GPC5: variants seen among roughly 807,000 people sequenced by gnomAD.
The protein encoded by GPC5 is glypican-5.
Under a neutral mutation model 53.9 loss-of-function variants are expected in GPC5, and 47 were observed. The observed-to-expected ratio is 0.87, with a 90% CI of 0.69 to 1.11. The LOEUF (loss-of-function observed/expected upper bound fraction) is 1.11, where lower values mean the gene tolerates loss of function less well. Among genes scored for constraint, GPC5 ranks in the 50% most tolerant of loss-of-function variants. The pLI is 0.00. For missense variants in GPC5, 748 were observed against 713.1 expected (o/e 1.05, Z -0.56); for synonymous variants, 286 against 263.3 (o/e 1.09, Z -0.84).
intron 7 of GPC5, among the ~76,000 whole-genome samples, chr13:92,854,854 T>C (rs1211865699): frequency 6.6e-6 from 1 of 152,012 alleles, no homozygotes; most frequent in Non-Finnish European, 1.5e-5. Flanking sequence ...TTCACTCTAT[T>C]ATTTGTTTTG....
At chr13:92,832,956 C>T (rs530856522) in intron 7 of GPC5, among the ~76,000 whole-genome samples, 1 of 152,016 alleles carries the variant, frequency 6.6e-6, no homozygotes, top group Non-Finnish European at 1.5e-5. Context: ...TGCAGTGAGC[C>T]GAGACTGCCA....
Position 91,956,077 on chromosome 13 carries a change from T to G in GPC5, c.1401+48020T>G, listed in dbSNP as rs118018529. Among the ~76,000 whole-genome samples the G allele has an allele frequency of 9.5e-3, 1,448 of 151,918 alleles. 46 individuals carry two copies. The highest frequency in any genetic ancestry group is 0.069 in the East Asian group (351 of 5,104). On this transcript the variant is annotated intron_variant, in intron 6 of 7. Coordinates refer to ENST00000377067, the MANE Select transcript of GPC5 (RefSeq NM_004466.6). ...CAACCAGAACATTTCACCAGGGGCTTGAGAATCACCTCCCCAGTGCCTACC... is the reference window on the plus strand; with the variant it reads ...CAACCAGAACATTTCACCAGGGGCTGGAGAATCACCTCCCCAGTGCCTACC...
chr13:91,548,194 G>C (rs2030409219), intron 2 of GPC5, among the ~76,000 whole-genome samples: 1 of 152,098 alleles, frequency 6.6e-6, no homozygotes, highest in South Asian at 2.1e-4. Flanking sequence ...CAAGTGATAT[G>C]ATCATCTATG....
At chr13:91,963,346 T>C (rs1310583904) in intron 6 of GPC5, among the ~76,000 whole-genome samples, 2 of 152,200 alleles carry the variant, frequency 1.3e-5, no homozygotes, top group African/African-American at 4.8e-5. Flanking sequence ...CTTCTGTGTA[T>C]ACGTATTTCC....
intron 1 of GPC5, among the ~76,000 whole-genome samples, chr13:91,425,829 G>A (rs1331617149): frequency 6.6e-6 from 1 of 152,178 alleles, no homozygotes; most frequent in Admixed American, 6.5e-5. Flanking sequence ...AAGAAGACAG[G>A]AAGATGTGGG....
intron 5 of GPC5, among the ~76,000 whole-genome samples, chr13:91,768,733 TATC>T (rs1488486490): frequency 6.6e-6 from 1 of 152,178 alleles, no homozygotes; most frequent in Non-Finnish European, 1.5e-5. Flanking sequence ...CAAATAAAAA[TATC>T]ATGTTTATAA....
intron 7 of GPC5, among the ~76,000 whole-genome samples, chr13:92,847,627 C>CTT (rs75149719): frequency 6.9e-6 from 1 of 145,094 alleles, no homozygotes; most frequent in African/African-American, 2.5e-5. Context: ...GCCATTAAAC[C>CTT]TTTTTTTTTT....
intron 1 of GPC5, among the ~76,000 whole-genome samples, chr13:91,437,957 G>C (rs758814453): frequency 6.6e-6 from 1 of 151,762 alleles, no homozygotes; most frequent in Non-Finnish European, 1.5e-5. Context: ...TGATCACATC[G>C]GCTACTGAGG....
At chr13:91,898,486 G>A (rs919687090) in intron 5 of GPC5, among the ~76,000 whole-genome samples, 1 of 151,974 alleles carries the variant, frequency 6.6e-6, no homozygotes, top group Non-Finnish European at 1.5e-5. Context: ...CTGTCATTTT[G>A]CCCTTGTTTT....
At chr13:92,006,258 A>G (rs1217524114) in intron 6 of GPC5, among the ~76,000 whole-genome samples, 1 of 152,176 alleles carries the variant, frequency 6.6e-6, no homozygotes, top group Non-Finnish European at 1.5e-5. Flanking sequence ...AAAATGTACC[A>G]AAATAATTTA....
At chr13:92,108,004 C>T (rs2041523535) in intron 6 of GPC5, among the ~76,000 whole-genome samples, 2 of 152,134 alleles carry the variant, frequency 1.3e-5, no homozygotes, top group South Asian at 4.1e-4. Flanking sequence ...ATATAATCTT[C>T]CCTCCAATTT....
chr13:91,686,037 T>C (rs546126327), intron 2 of GPC5, among the ~76,000 whole-genome samples: 3 of 152,008 alleles, frequency 2.0e-5, no homozygotes, highest in Non-Finnish European at 4.4e-5. Flanking sequence ...CTCTTCCGTA[T>C]AGCTCCTTTG....
At chr13:92,185,936 A>T (rs1260145049) in intron 7 of GPC5, among the ~76,000 whole-genome samples, 1 of 152,184 alleles carries the variant, frequency 6.6e-6, no homozygotes, top group Non-Finnish European at 1.5e-5. Flanking sequence ...ACAGATACTG[A>T]ATGCTAAGAG....
intron 7 of GPC5, among the ~76,000 whole-genome samples, chr13:92,752,544 A>G (rs1250625651): frequency 1.3e-5 from 2 of 152,182 alleles, no homozygotes; most frequent in Non-Finnish European, 2.9e-5. Flanking sequence ...GCGACGCAGA[A>G]GACGGGTGAT....
intron 7 of GPC5, among the ~76,000 whole-genome samples, chr13:92,348,938 C>T (rs773688855): frequency 6.6e-6 from 1 of 151,804 alleles, no homozygotes; most frequent in African/African-American, 2.4e-5. Context: ...CTAAGAGGAA[C>T]GTTTATAACA....
Position 91,914,896 on chromosome 13 carries a change from T to C in GPC5, c.1401+6839T>C, listed in dbSNP as rs545857869. Among the ~76,000 whole-genome samples, 15 of 152,332 alleles carry C rather than the reference T, an allele frequency of 9.8e-5. No homozygotes were observed. In the South Asian group the frequency reaches 3.1e-3, roughly 32 times the overall value. On this transcript the variant is annotated intron_variant, in intron 6 of 7. Transcript: ENST00000377067. ...TAAAACAAATTTTATAAACATCCTTTCCTATTGTTAATAGCCTATGATAGA... is the reference window on the plus strand; with the variant it reads ...TAAAACAAATTTTATAAACATCCTTCCCTATTGTTAATAGCCTATGATAGA...
chr13:92,178,687 CT>C (rs1295729156), intron 7 of GPC5, among the ~76,000 whole-genome samples: 1 of 152,000 alleles, frequency 6.6e-6, no homozygotes, highest in African/African-American at 2.4e-5. Context: ...TAAAAATAAA[CT>C]AGTTTAGCCT....
chr13:91,837,544 T>C (rs1251410410), intron 5 of GPC5, among the ~76,000 whole-genome samples: 2 of 152,100 alleles, frequency 1.3e-5, no homozygotes, highest in South Asian at 2.1e-4. Flanking sequence ...AACCAAAATA[T>C]CATGTCAATA....
intron 7 of GPC5, among the ~76,000 whole-genome samples, chr13:92,865,421 C>T (rs1466201842): frequency 6.6e-6 from 1 of 152,032 alleles, no homozygotes; most frequent in East Asian, 1.9e-4. Flanking sequence ...GGTCCTAATT[C>T]CTGATCTCAC....
Sources: gnomAD v4.1 joint callset for allele counts (sites outside exome capture counted in the v4.1 genomes callset) on GRCh38, gnomAD v4.1.1 for gene constraint, MANE v1.5 for transcripts, NCBI Gene and HGNC (gene_info 2026-07-23, HGNC 2026-07-21) for gene names.